Variants in DERA observed in about 807,000 individuals in gnomAD.
DERA encodes the protein 2-deoxy-D-ribose 5-phosphate aldolase.
Under a neutral mutation model 41.1 loss-of-function variants are expected in DERA, and 15 were observed. The ratio of observed to expected loss-of-function variants is 0.37; its 90% CI spans 0.24 to 0.56. The LOEUF is 0.56. DERA is among the 20% of genes least tolerant of loss of function. The pLI is 0.81. For missense variants in DERA, 396 were observed against 403.4 expected (o/e 0.98, Z 0.16); for synonymous variants, 139 against 137.4 (o/e 1.01, Z -0.08).
rs1307140523 is a variant in DERA, at chr12:16,026,186, A to G, written c.638-6356A>G. 6.6e-6 allele frequency among the ~76,000 whole-genome samples: 1 copy of G among 152,066 alleles called. No individual in the cohort carries two copies. Among genetic ancestry groups the G allele is most frequent in the Non-Finnish European group, 1.5e-5 (1 of 67,926 alleles). The stretch of plus-strand genomic sequence containing the variant: ...AAACAGGAGGAATAGAAATGAGAAC[A>G]GAAATGATGAAATTGAAAACAAAAA... On this transcript the variant is annotated intron_variant, in intron 6 of 8. Transcript: ENST00000428559. This position sits in a 1 kb window ranked among gnomAD's most constrained non-coding sequence, Gnocchi z 4.4.
In DERA at chr12:16,000,564, A is replaced by G. The variant is rs748931893; in HGVS notation, c.637+18128A>G. ...GCTTTTTGTAAAAAATTTATCACCA[A>G]CTGGGGCATTGAAAGTAAGTTTCCT... On this transcript the variant is annotated intron_variant, in intron 6 of 8. Coordinates refer to ENST00000428559, the MANE Select transcript of DERA (RefSeq NM_015954.4). This position sits in a 1 kb window ranked among gnomAD's most constrained non-coding sequence, Gnocchi z 4.8. Among the ~76,000 whole-genome samples the G allele has an allele frequency of 3.3e-5, 5 of 152,202 alleles. No individual in the cohort carries two copies. The highest frequency in any genetic ancestry group is 6.5e-5 in the Admixed American group (1 of 15,274).
At chr12:15,916,967 T>C (rs1453886885) in intron 1 of DERA, among the ~76,000 whole-genome samples, 2 of 152,186 alleles carry the variant, frequency 1.3e-5, no homozygotes, top group African/African-American at 4.8e-5. Context: ...TTGATAATTT[T>C]GTTAATTTAG....
At chr12:16,024,219 T>C (rs189899140) in intron 6 of DERA, among the ~76,000 whole-genome samples, 93 of 152,064 alleles carry the variant, frequency 6.1e-4, no homozygotes, top group African/African-American at 2.2e-3. Flanking sequence ...CGAAAGAAAA[T>C]AGAGCAGACA....
intron 3 of DERA, 94 bp downstream of exon 3, chr12:15,958,429 C>T (rs1201397925): frequency 1.1e-6 from 1 of 926,376 alleles, no homozygotes; most frequent in African/African-American, 1.7e-5. Flanking sequence ...CTAATGATAG[C>T]GGTGATAGAA....
chr12:16,032,717 C>T (rs1224940387), intron 7 of DERA, 63 bp downstream of exon 7: 1 of 993,466 alleles, frequency 1.0e-6, no homozygotes, highest in African/African-American at 1.6e-5. Context: ...ATACTAGTTA[C>T]AGCCACAATA....
rs757088378 is a variant in DERA, at chr12:16,036,697, A to G, written c.908A>G (p.His303Arg). The change falls in exon 9 of 9, where the codon CAT becomes CGT. Residue 303 changes from histidine (H) to arginine (R), a missense_variant. Physicochemically the swap from His to Arg is conservative, Grantham distance 29 (BLOSUM62 0). Coordinates refer to ENST00000428559, the MANE Select transcript of DERA (RefSeq NM_015954.4). The surrounding 1 kb of genome is among the most constrained non-coding windows in gnomAD (Gnocchi z 4.9). ...CTCTGCTTTTCCTCACAGATTTACC[A>G]TCATGTGACTGGAAGATATGCAGCT... is the stretch of plus-strand genomic sequence containing the variant. The part of the protein sequence containing the change: ...LLSDIERQIY[H>R]HVTGRYAAYH... 6 of 1,603,724 alleles carry G rather than the reference A, an allele frequency of 3.7e-6. No homozygotes were observed. The highest frequency in any genetic ancestry group is 2.7e-5 in the African/African-American group (2 of 74,388).
In DERA at chr12:15,988,746, G is replaced by T. The variant is rs1004943671; in HGVS notation, c.637+6310G>T. Among the ~76,000 whole-genome samples, 4 of 152,074 alleles carry T rather than the reference G, an allele frequency of 2.6e-5. No individual in the cohort carries two copies. The highest frequency in any genetic ancestry group is 9.7e-5 in the African/African-American group (4 of 41,406). On this transcript the variant is annotated intron_variant, in intron 6 of 8. Transcript: ENST00000428559. The surrounding 1 kb of genome is among the most constrained non-coding windows in gnomAD (Gnocchi z 6.0). Reference sequence around the variant, plus strand: ...CTTCACCAGGGACCCATCCCTTCCTGCCTAGGAACCTGTCTGCCTCCCACC... The same window carrying T: ...CTTCACCAGGGACCCATCCCTTCCTTCCTAGGAACCTGTCTGCCTCCCACC...
chr12:15,932,912 G>A (rs2136131339), intron 1 of DERA, among the ~76,000 whole-genome samples: 1 of 152,238 alleles, frequency 6.6e-6, no homozygotes, highest in East Asian at 1.9e-4. Flanking sequence ...CTTTTTTAGA[G>A]TCCACATATT....
rs976649000 is a variant in DERA, at chr12:15,938,584, A to T, written c.32-18352A>T. ...GTTTTCAATTGATTCTTACCCATGA[A>T]ATGTGTTTTTAAAATTGAGAAAATA... On this transcript the variant is annotated intron_variant, in intron 1 of 8. Transcript: ENST00000428559. The surrounding 1 kb of genome is among the most constrained non-coding windows in gnomAD (Gnocchi z 4.1). Among the ~76,000 whole-genome samples the T allele has an allele frequency of 6.6e-6, 1 of 152,126 alleles. No homozygotes were observed. Among genetic ancestry groups the T allele is most frequent in the Admixed American group, 6.5e-5 (1 of 15,280 alleles).
rs1948420095 is a variant in DERA, at chr12:15,943,077, C to T, written c.32-13859C>T. On this transcript the variant is annotated intron_variant, in intron 1 of 8. Transcript: ENST00000428559. The surrounding 1 kb of genome is among the most constrained non-coding windows in gnomAD (Gnocchi z 4.5). ...AGAGGGACAGCGATGTCACCCCTGA[C>T]AGTGTGTTCTAATCTGTAAACTCTT... Among the ~76,000 whole-genome samples the T allele has an allele frequency of 6.6e-6, 1 of 152,160 alleles. No individual in the cohort carries two copies. The highest frequency in any genetic ancestry group is 1.5e-5 in the Non-Finnish European group (1 of 68,034).
chr12:16,006,862 A>AT (rs1948914190), intron 6 of DERA, among the ~76,000 whole-genome samples: 1 of 152,192 alleles, frequency 6.6e-6, no homozygotes, highest in Non-Finnish European at 1.5e-5. Context: ...AATTCTGGAA[A>AT]TTCCTTCTTT....
chr12:15,919,730 G>A (rs956561673), intron 1 of DERA, among the ~76,000 whole-genome samples: 8 of 152,160 alleles, frequency 5.3e-5, no homozygotes, highest in Non-Finnish European at 1.0e-4. Flanking sequence ...GCAACTTCTG[G>A]CTCTCTGTAT....
chr12:16,032,598 G>A lies in DERA; in HGVS notation c.694G>A (p.Val232Ile). 1 of 1,567,128 alleles carries A rather than the reference G, an allele frequency of 6.4e-7. No individual in the cohort carries two copies. Among genetic ancestry groups the A allele is most frequent in the Non-Finnish European group, 8.7e-7 (1 of 1,155,256 alleles). ...AGAAACAGTAAATGCCACCTTCCCG[G>A]TAGCTATAGTAATGCTGCGGGCCAT... ...GKETVNATFP[V>I]AIVMLRAIRD... The change falls in exon 7 of 9, where the codon GTA becomes ATA. Residue 232 changes from valine (V) to isoleucine (I), a missense_variant. By Grantham distance (29) the Val-to-Ile change is conservative. Transcript: ENST00000428559.
intron 1 of DERA, among the ~76,000 whole-genome samples, chr12:15,930,087 G>A (rs1948316402): frequency 6.6e-6 from 1 of 152,210 alleles, no homozygotes; most frequent in Admixed American, 6.5e-5. Context: ...AGAGCAGTTG[G>A]CGTGGTGCCT....
At chr12:15,949,853 T>G (rs1011292976) in intron 1 of DERA, among the ~76,000 whole-genome samples, 37 of 152,318 alleles carry the variant, frequency 2.4e-4, no homozygotes, top group African/African-American at 8.4e-4. Context: ...CCTACCTGTT[T>G]CTTCTTTTTT....
chr12:16,005,224 G>A (rs572239161), intron 6 of DERA, among the ~76,000 whole-genome samples: 6 of 152,128 alleles, frequency 3.9e-5, no homozygotes, highest in Non-Finnish European at 5.9e-5. Flanking sequence ...TGGGAGGATC[G>A]CTTGAGGCCA....
rs925186983 is a variant in DERA at position 16,009,812 on chromosome 12, G to A, written c.638-22730G>A. ...ATGCCACACTCAAAGCAATTATACAGGAAGTATTAAAGATATTAAATATGT... is the reference window on the plus strand; with the variant it reads ...ATGCCACACTCAAAGCAATTATACAAGAAGTATTAAAGATATTAAATATGT... On this transcript the variant is annotated intron_variant, in intron 6 of 8. Transcript: ENST00000428559. This position sits in a 1 kb window ranked among gnomAD's most constrained non-coding sequence, Gnocchi z 5.3. Among the ~76,000 whole-genome samples the A allele has an allele frequency of 6.6e-6, 1 of 152,090 alleles. No individual in the cohort carries two copies. Among genetic ancestry groups the A allele is most frequent in the African/African-American group, 2.4e-5 (1 of 41,402 alleles).
intron 1 of DERA, among the ~76,000 whole-genome samples, chr12:15,944,811 A>G (rs1326412792): frequency 3.3e-5 from 5 of 152,156 alleles, no homozygotes; most frequent in African/African-American, 7.2e-5. Flanking sequence ...GCTCATGCCT[A>G]TGTCCTGAAT....
At chr12:16,027,478 T>A (rs1015755262) in intron 6 of DERA, among the ~76,000 whole-genome samples, 4 of 152,194 alleles carry the variant, frequency 2.6e-5, no homozygotes, top group Non-Finnish European at 4.4e-5. Context: ...ATTATCCAGA[T>A]GGGCTGTAGA....
Sources: allele counts gnomAD v4.1 joint callset (sites outside exome capture counted in the v4.1 genomes callset), GRCh38; gene constraint gnomAD v4.1.1; non-coding constraint Gnocchi (gnomAD v3.1); transcripts MANE v1.5; gene names NCBI Gene and HGNC (gene_info 2026-07-23, HGNC 2026-07-21).